Variants in PLEKHA2 observed in about 807,000 individuals in gnomAD.
PLEKHA2 encodes the protein pleckstrin homology domain-containing family A member 2.
PLEKHA2 carries 28 observed loss-of-function variants against 53.2 expected under a neutral mutation model. The observed-to-expected ratio is 0.53, with a 90% CI of 0.39 to 0.72. PLEKHA2 has a LOEUF of 0.72. Ranked by LOEUF, PLEKHA2 falls within the 30% of genes least tolerant of loss-of-function variation. The probability of loss-of-function intolerance (pLI) is 0.00; values close to 1 mark genes in which losing one functional copy is unlikely to be tolerated. For synonymous variants in PLEKHA2, 193 were observed against 196.4 expected (o/e 0.98, Z 0.14); for missense variants, 426 against 537.9 (o/e 0.79, Z 2.06).
intron 10 of PLEKHA2, among the ~76,000 whole-genome samples, chr8:38,958,872 A>G (rs1834991456): frequency 2.0e-5 from 3 of 152,170 alleles, no homozygotes; most frequent in African/African-American, 7.2e-5. Context: ...CGTCAAGTCC[A>G]TAGGCAGTTA....
intron 3 of PLEKHA2, among the ~76,000 whole-genome samples, chr8:38,941,167 C>T (rs963086500): frequency 1.3e-5 from 2 of 151,730 alleles, no homozygotes; most frequent in African/African-American, 2.4e-5. Context: ...AGCGATTCTC[C>T]TGCCTCGGCC....
chr8:38,927,314 A>G (rs1170987810), intron 2 of PLEKHA2, among the ~76,000 whole-genome samples: 2 of 152,074 alleles, frequency 1.3e-5, no homozygotes, highest in East Asian at 1.9e-4. Context: ...TGGGCAACAT[A>G]GGAAGACCCC....
chr8:38,917,954 C>T lies in PLEKHA2; in HGVS notation c.25C>T (p.Arg9Ter). Reference sequence around the variant, plus strand: ...AATGCCTTATGTGGATCGGCAGAACCGAATCTGTGGGTTTCTGGACATCGA... The same window carrying T: ...AATGCCTTATGTGGATCGGCAGAACTGAATCTGTGGGTTTCTGGACATCGA... MPYVDRQN[R>*]ICGFLDIEEH... The change falls in exon 2 of 12, where the codon CGA (arginine) becomes TGA (stop). Residue 9 changes from arginine (R) to a stop codon, truncating the protein, a stop_gained. Transcript: ENST00000617275. LOFTEE classifies it high-confidence loss of function. 2.5e-6 allele frequency: 4 copies of T among 1,613,566 alleles called. No individual in the cohort carries two copies. The highest frequency in any genetic ancestry group is 3.4e-6 in the Non-Finnish European group (4 of 1,179,678).
intron 5 of PLEKHA2, 39 bp from the exon 6 acceptor site, chr8:38,950,811 G>T (rs539955929): frequency 6.3e-7 from 1 of 1,595,390 alleles, no homozygotes; most frequent in African/African-American, 1.3e-5. Context: ...TTTCCTAAAT[G>T]TTCTGTTCCC....
At chr8:38,918,458 T>TAC (rs1834106356) in intron 2 of PLEKHA2, among the ~76,000 whole-genome samples, 1 of 30,036 alleles carries the variant, frequency 3.3e-5, no homozygotes. Flanking sequence ...CCATACACCA[T>TAC]ACACACATGC....
chr8:38,936,912 C>G (rs1293614993), intron 3 of PLEKHA2, among the ~76,000 whole-genome samples: 1 of 152,236 alleles, frequency 6.6e-6, no homozygotes, highest in African/African-American at 2.4e-5. Context: ...CACTGCAGGC[C>G]TCTTGGGAGC....
At position 38,903,810 on chromosome 8, in the gene PLEKHA2, C is replaced by T. The variant is rs576680273; in HGVS notation, c.-24+2365C>T. ...CTGATTCACGGAAACTGCTGTGGCT[C>T]GACTTATTCCGGTTGTGATAGACCT... is the stretch of plus-strand genomic sequence containing the variant. On this transcript the variant is annotated intron_variant, in intron 1 of 11. Transcript: ENST00000617275. 2.0e-5 allele frequency among the ~76,000 whole-genome samples: 3 copies of T among 152,190 alleles called. No homozygotes were observed. In the East Asian group the frequency reaches 5.8e-4, roughly 29 times the overall value.
intron 5 of PLEKHA2, among the ~76,000 whole-genome samples, chr8:38,949,995 C>T (rs1464206073): frequency 1.3e-5 from 2 of 152,098 alleles, no homozygotes; most frequent in Non-Finnish European, 2.9e-5. Context: ...TTCAATCTGC[C>T]CAGAATGCCT....
chr8:38,902,273 C>T (rs1305373727), intron 1 of PLEKHA2, among the ~76,000 whole-genome samples: 1 of 151,746 alleles, frequency 6.6e-6, no homozygotes, highest in Non-Finnish European at 1.5e-5. Flanking sequence ...TGTCCCTGCA[C>T]GCCCAGAGAG....
chr8:38,927,682 A>G (rs1388688465), intron 2 of PLEKHA2, among the ~76,000 whole-genome samples: 2 of 152,296 alleles, frequency 1.3e-5, no homozygotes, highest in East Asian at 3.9e-4. Context: ...GGAAACATCC[A>G]TTTTTTGAGC....
At chr8:38,911,161 G>A (rs141647959) in intron 1 of PLEKHA2, among the ~76,000 whole-genome samples, 1 of 152,226 alleles carries the variant, frequency 6.6e-6, no homozygotes, top group East Asian at 1.9e-4. Flanking sequence ...TTGCCAGATA[G>A]TTTCATTACG....
In PLEKHA2 at chr8:38,957,383, A is replaced by G. The variant is rs749101834; in HGVS notation, c.834A>G (p.Val278=). 6.2e-7 allele frequency: 1 copy of G among 1,612,032 alleles called. No homozygotes were observed. Among genetic ancestry groups the G allele is most frequent in the African/African-American group, 1.3e-5 (1 of 74,872 alleles). ...EIITSSRTFY[V]QADSPEDMHS... ...TAACAAGCTCCAGGACCTTCTACGT[A>G]CAGGTAAAATGCTCCCTTCCAGAAG... The change falls in exon 10 of 12, where the codon GTA becomes GTG. Residue 278 remains valine, a synonymous_variant. Coordinates refer to ENST00000617275, the MANE Select transcript of PLEKHA2 (RefSeq NM_021623.2).
intron 4 of PLEKHA2, 93 bp downstream of exon 4, chr8:38,943,930 A>T (rs1352877519): frequency 9.6e-7 from 1 of 1,036,844 alleles, no homozygotes; most frequent in East Asian, 2.8e-5. Context: ...ATGTGACTAT[A>T]CCCTGTGAGT....
chr8:38,955,622 A>G (rs1400213533), intron 9 of PLEKHA2, among the ~76,000 whole-genome samples: 1 of 152,056 alleles, frequency 6.6e-6, no homozygotes, highest in Admixed American at 6.5e-5. Context: ...TCTGGCCCCT[A>G]TCCTGTTGTT....
intron 2 of PLEKHA2, among the ~76,000 whole-genome samples, chr8:38,934,645 C>T (rs891239814): frequency 3.9e-5 from 6 of 152,110 alleles, no homozygotes; most frequent in Non-Finnish European, 5.9e-5. Context: ...TCATCCCTGC[C>T]AGTGGGGACA....
chr8:38,966,082 G>T (rs1222509758), intron 10 of PLEKHA2, among the ~76,000 whole-genome samples: 1 of 152,174 alleles, frequency 6.6e-6, no homozygotes, highest in Non-Finnish European at 1.5e-5. Context: ...TAGTAAGTTT[G>T]CAGGCAGAGC....
rs1835271559 is a variant in PLEKHA2, at chr8:38,972,540, GCT to G, written c.*2760_*2761del. ...TAAATTATTATCTTCAATGAAACAA[GCT>G]CTAAAAGCATTCCATTCCTAAATTG... On this transcript the variant is annotated 3_prime_UTR_variant, in exon 12 of 12. Coordinates refer to ENST00000617275, the MANE Select transcript of PLEKHA2 (RefSeq NM_021623.2). 6.6e-6 allele frequency: 1 copy of G among 152,148 alleles called. No homozygotes were observed. The highest frequency in any genetic ancestry group is 2.1e-4 in the South Asian group (1 of 4,832). 9.4% of individuals were successfully genotyped at this position (152,148 alleles called of 1,614,324 possible). A position where few individuals can be genotyped will look rare whatever the true frequency, so the allele number is the denominator to read the frequency against.
intron 10 of PLEKHA2, among the ~76,000 whole-genome samples, chr8:38,966,498 G>A (rs1354613770): frequency 6.6e-6 from 1 of 152,164 alleles, no homozygotes; most frequent in Non-Finnish European, 1.5e-5. Context: ...TCTGGCACCT[G>A]ATGCAGCATG....
intron 3 of PLEKHA2, among the ~76,000 whole-genome samples, chr8:38,938,816 C>T (rs1408986980): frequency 6.6e-6 from 1 of 152,186 alleles, no homozygotes; most frequent in African/African-American, 2.4e-5. Flanking sequence ...ACCTCACCCG[C>T]CTGCAGCCAC....
Sources: gnomAD v4.1 joint callset for allele counts (sites outside exome capture counted in the v4.1 genomes callset) on GRCh38, gnomAD v4.1.1 for gene constraint, MANE v1.5 for transcripts, NCBI Gene and HGNC (gene_info 2026-07-23, HGNC 2026-07-21) for gene names.